Variants in NDUFAF7 observed in about 807,000 individuals in gnomAD.
NDUFAF7 encodes NADH:ubiquinone oxidoreductase complex assembly factor 7.
Under a neutral mutation model 47.2 loss-of-function variants are expected in NDUFAF7, and 48 were observed. The ratio of observed to expected loss-of-function variants is 1.02; its 90% CI spans 0.81 to 1.29. NDUFAF7 has a LOEUF of 1.29. Among genes scored for constraint, NDUFAF7 ranks in the 50% most tolerant of loss-of-function variants. NDUFAF7 has a pLI of 0.00. For missense variants in NDUFAF7, 635 were observed against 537.6 expected (o/e 1.18, Z -1.79); for synonymous variants, 217 against 190.0 (o/e 1.14, Z -1.17).
chr2:37,259,507 G>A, the NDUFAF7 span: 1 of 1,169,138 alleles, frequency 8.6e-7, no homozygotes, highest in Non-Finnish European at 1.2e-6. Context: ...ACAGTACTTA[G>A]TACACTGCCT....
At chr2:37,241,453 G>A in intron 4 of NDUFAF7, 125 bp from the exon 5 acceptor site, 1 of 802,216 alleles carries the variant, frequency 1.2e-6, no homozygotes, top group Non-Finnish European at 2.1e-6. Flanking sequence ...AGTGGCTTGG[G>A]TAAGGAACAC....
At chr2:37,235,932 A>T (rs1192206692) in intron 2 of NDUFAF7, among the ~76,000 whole-genome samples, 164 bp from the exon 3 acceptor site, 2 of 152,174 alleles carry the variant, frequency 1.3e-5, no homozygotes, top group African/African-American at 4.8e-5. Context: ...TGCTGGGATT[A>T]CAGGCATGAG....
downstream of NDUFAF7, chr2:37,256,529 A>G: frequency 1.7e-6 from 2 of 1,199,576 alleles, no homozygotes; most frequent in Non-Finnish European, 2.2e-6. Flanking sequence ...AACTAGTTGA[A>G]TTTGGAAGAT....
At chr2:37,247,867 G>C (rs1022371260) in intron 9 of NDUFAF7, among the ~76,000 whole-genome samples, 10 of 152,120 alleles carry the variant, frequency 6.6e-5, no homozygotes, top group Non-Finnish European at 4.4e-5. Flanking sequence ...GCGTTTATGG[G>C]TATGAATTTT....
intron 6 of NDUFAF7, among the ~76,000 whole-genome samples, chr2:37,243,316 T>C (rs1429041981): frequency 1.3e-5 from 2 of 152,242 alleles, no homozygotes; most frequent in East Asian, 3.9e-4. Flanking sequence ...CTGGGCTTGG[T>C]GGCACGTGCC....
chr2:37,255,315 C>G (rs3216662), downstream of NDUFAF7, among the ~76,000 whole-genome samples: 2 of 28,092 alleles, frequency 7.1e-5, no homozygotes, highest in African/African-American at 4.1e-4. Flanking sequence ...TTTGGAAAAA[C>G]AAAAAAGATC....
At chr2:37,260,494 G>A in the NDUFAF7 span, 4 of 986,366 alleles carry the variant, frequency 4.1e-6, no homozygotes, top group Middle Eastern at 2.3e-4. Flanking sequence ...GCCTAGAGAA[G>A]TAAACAAAGC....
At chr2:37,233,368 G>T (rs1189428766) in intron 2 of NDUFAF7, among the ~76,000 whole-genome samples, 1 of 152,218 alleles carries the variant, frequency 6.6e-6, no homozygotes, top group Non-Finnish European at 1.5e-5. Context: ...GGCGGCTCAC[G>T]CCTGTAATCC....
At chr2:37,239,685 A>G (rs1274948658) in intron 4 of NDUFAF7, among the ~76,000 whole-genome samples, 2 of 152,258 alleles carry the variant, frequency 1.3e-5, no homozygotes, top group East Asian at 3.8e-4. Context: ...GCGTGAAATC[A>G]CAGTGGAATA....
At chr2:37,253,421 G>GT (rs138987723), downstream of NDUFAF7, 54,627 of 1,296,418 alleles carry the variant, frequency 0.042, 1,377 homozygotes, top group African/African-American at 0.17. Flanking sequence ...TTTGTTTTGT[G>GT]TTTTTTTTTG....
At chr2:37,257,176 C>T (rs115637897), downstream of NDUFAF7, among the ~76,000 whole-genome samples, 680 of 152,212 alleles carry the variant, frequency 4.5e-3, 5 homozygotes, top group African/African-American at 0.015. Flanking sequence ...GTTCTAGCTT[C>T]CAGAATACCA....
the NDUFAF7 span, among the ~76,000 whole-genome samples, chr2:37,259,985 T>G: frequency 6.6e-6 from 1 of 152,004 alleles, no homozygotes. Flanking sequence ...GCCAACACGG[T>G]GAAACCCCAG....
chr2:37,269,520 C>G, the NDUFAF7 span: 1 of 1,122,838 alleles, frequency 8.9e-7, no homozygotes, highest in Non-Finnish European at 1.3e-6. Context: ...AGGCACTGGA[C>G]AAAACTATGA....
chr2:37,246,476 G>A (rs1666909606), intron 8 of NDUFAF7, among the ~76,000 whole-genome samples: 1 of 152,082 alleles, frequency 6.6e-6, no homozygotes, highest in South Asian at 2.1e-4. Context: ...TAATACAAAT[G>A]GAAAGATTTT....
rs1243983448 is a variant in NDUFAF7, at chr2:37,241,923, CCTA to C, written c.622+135_622+137del. 5 of 747,274 alleles carry C rather than the reference CCTA, an allele frequency of 6.7e-6. No homozygotes were observed. In the East Asian group the frequency reaches 1.4e-4, roughly 20 times the overall value. 46.3% of individuals were successfully genotyped at this position (747,274 alleles called of 1,614,324 possible). Reference sequence around the variant, plus strand: ...CAAGTCCCTTATCCATAGAGAGTAGCCTACTTTTTTCTAGAAAAGAGCATCTTA... The same window carrying C: ...CAAGTCCCTTATCCATAGAGAGTAGCCTTTTTTCTAGAAAAGAGCATCTTA... On this transcript the variant is annotated intron_variant, in intron 5 of 9. Transcript: ENST00000002125.
downstream of NDUFAF7, among the ~76,000 whole-genome samples, chr2:37,249,558 G>GAGACAGACAC (rs1182053399): frequency 1.6e-5 from 2 of 128,422 alleles, no homozygotes; most frequent in African/African-American, 6.6e-5. Context: ...GCCTGTGATA[G>GAGACAGACAC]ACACACACAC....
At chr2:37,233,579 G>A (rs867092246) in intron 2 of NDUFAF7, among the ~76,000 whole-genome samples, 1 of 145,718 alleles carries the variant, frequency 6.9e-6, no homozygotes, top group Non-Finnish European at 1.5e-5. Flanking sequence ...CCTAGATTTC[G>A]CCATTGCACT....
At chr2:37,263,215 G>A in the NDUFAF7 span, among the ~76,000 whole-genome samples, 2 of 152,094 alleles carry the variant, frequency 1.3e-5, no homozygotes, top group Admixed American at 6.5e-5. Flanking sequence ...TGATATATAT[G>A]CAGTATTTTC....
At chr2:37,263,089 A>G in the NDUFAF7 span, among the ~76,000 whole-genome samples, 2 of 151,546 alleles carry the variant, frequency 1.3e-5, no homozygotes, top group Non-Finnish European at 2.9e-5. Flanking sequence ...CTTTAGGTTT[A>G]TTTTATTGTT....
Sources: allele counts gnomAD v4.1 joint callset (sites outside exome capture counted in the v4.1 genomes callset), GRCh38; gene constraint gnomAD v4.1.1; transcripts MANE v1.5; gene names NCBI Gene and HGNC (gene_info 2026-07-23, HGNC 2026-07-21).